Variants in GARNL3 observed in about 807,000 individuals in gnomAD.
GARNL3 encodes GTPase activating Rap/RanGAP domain like 3.
Under a neutral mutation model 125.0 loss-of-function variants are expected in GARNL3, and 63 were observed. The ratio of observed to expected loss-of-function variants is 0.50; its 90% CI spans 0.41 to 0.62. The LOEUF (loss-of-function observed/expected upper bound fraction) is 0.62, where lower values mean the gene tolerates loss of function less well. Among genes scored for constraint, GARNL3 ranks in the 20% least tolerant of loss-of-function variants. The pLI, the probability that GARNL3 is intolerant of heterozygous loss-of-function variation, is 0.00. For missense variants in GARNL3, 994 were observed against 1,244.0 expected, an observed-to-expected ratio of 0.80 and a Z score of 3.02; for synonymous variants, 439 against 457.5, an observed-to-expected ratio of 0.96 and a Z score of 0.52.
At chr9:127,338,889 G>A (rs570728706) in intron 12 of GARNL3, among the ~76,000 whole-genome samples, 2 of 152,206 alleles carry the variant, frequency 1.3e-5, no homozygotes, top group Non-Finnish European at 2.9e-5. Flanking sequence ...CTGGCATGGA[G>A]CAAATATTCC....
At chr9:127,231,040 A>ATTTTTTTTT (rs1376359454) in intron 1 of GARNL3, among the ~76,000 whole-genome samples, 1 of 46,362 alleles carries the variant, frequency 2.2e-5, no homozygotes, top group Non-Finnish European at 3.8e-5. Context: ...ATATACATAT[A>ATTTTTTTTT]TATATATATA....
intron 7 of GARNL3, among the ~76,000 whole-genome samples, chr9:127,330,107 C>T (rs1383817495): frequency 2.6e-5 from 4 of 152,232 alleles, no homozygotes; most frequent in Non-Finnish European, 5.9e-5. Context: ...GAATTGAAAA[C>T]TCCTGGGGTG....
intron 27 of GARNL3, among the ~76,000 whole-genome samples, chr9:127,391,602 A>G (rs1378859930): frequency 7.1e-6 from 1 of 139,876 alleles, no homozygotes; most frequent in African/African-American, 2.6e-5. Context: ...TGGGAGGCTA[A>G]GGTAGAAAGA....
rs188208897 is a variant in GARNL3, at chr9:127,392,209, G to C, written c.2871-874G>C. 1.2e-4 allele frequency among the ~76,000 whole-genome samples: 19 copies of C among 152,360 alleles called. No individual in the cohort carries two copies. The highest frequency in any genetic ancestry group is 1.2e-3 in the Admixed American group (18 of 15,302). ...TAACCTGACAAGGCCCCTGCCCTCA[G>C]GGACTTTGCATTCTAGTGTGGGAAA... On this transcript the variant is annotated intron_variant, in intron 27 of 27. Transcript: ENST00000373387. The surrounding 1 kb of genome is among the most constrained non-coding windows in gnomAD (Gnocchi z 5.2).
chr9:127,240,678 G>A (rs1285438572), intron 1 of GARNL3, among the ~76,000 whole-genome samples: 1 of 152,212 alleles, frequency 6.6e-6, no homozygotes. Flanking sequence ...CGAGGTGGGA[G>A]GATCACTTGA....
chr9:127,271,678 T>C (rs2063827880), intron 1 of GARNL3, among the ~76,000 whole-genome samples: 2 of 150,168 alleles, frequency 1.3e-5, no homozygotes, highest in Admixed American at 1.3e-4. Context: ...TTTTTTGGCC[T>C]TTAAACTGGA....
chr9:127,307,039 GA>G (rs1588817817), intron 2 of GARNL3, among the ~76,000 whole-genome samples: 1 of 151,834 alleles, frequency 6.6e-6, no homozygotes, highest in South Asian at 2.1e-4. Flanking sequence ...AAATATCTTT[GA>G]TTTTTTTTTT....
intron 3 of GARNL3, chr9:127,313,232 G>T: frequency 1.8e-6 from 1 of 541,678 alleles, no homozygotes; most frequent in East Asian, 3.1e-5. Flanking sequence ...GCCAGAATTT[G>T]GTCACATGTT....
intron 5 of GARNL3, among the ~76,000 whole-genome samples, chr9:127,320,217 T>C (rs1303156970): frequency 6.6e-6 from 1 of 152,192 alleles, no homozygotes; most frequent in Non-Finnish European, 1.5e-5. Context: ...TAGAAGTTCG[T>C]TATTATTTTT....
intron 1 of GARNL3, among the ~76,000 whole-genome samples, chr9:127,241,623 C>G (rs2063206180): frequency 6.6e-6 from 1 of 152,068 alleles, no homozygotes; most frequent in African/African-American, 2.4e-5. Context: ...GCCAGGTCAT[C>G]ATTTATAAGA....
At chr9:127,382,339 T>C (rs1308883813) in intron 22 of GARNL3, among the ~76,000 whole-genome samples, 2 of 152,046 alleles carry the variant, frequency 1.3e-5, no homozygotes, top group African/African-American at 2.4e-5. Flanking sequence ...CCATCTTTCA[T>C]TGAGAAAGAA....
intron 17 of GARNL3, among the ~76,000 whole-genome samples, chr9:127,350,233 C>T (rs1289171315): frequency 6.6e-6 from 1 of 152,056 alleles, no homozygotes; most frequent in African/African-American, 2.4e-5. Context: ...AAACTGTGAT[C>T]TGAAAGAAAA....
chr9:127,351,915 C>T (rs186000306), intron 17 of GARNL3, among the ~76,000 whole-genome samples: 3 of 152,350 alleles, frequency 2.0e-5, no homozygotes, highest in Admixed American at 2.0e-4. Flanking sequence ...GTCACTCTGT[C>T]AGGTCCTTGC....
At chr9:127,269,351 C>T (rs1300899860) in intron 1 of GARNL3, among the ~76,000 whole-genome samples, 1 of 152,186 alleles carries the variant, frequency 6.6e-6, no homozygotes, top group Non-Finnish European at 1.5e-5. Flanking sequence ...TACATTTTAG[C>T]TATTAAAATT....
intron 10 of GARNL3, among the ~76,000 whole-genome samples, chr9:127,335,595 TTGTA>T (rs972205841): frequency 3.3e-5 from 5 of 152,160 alleles, no homozygotes; most frequent in African/African-American, 9.7e-5. Context: ...GTATAGGTAT[TTGTA>T]TGTGTGTGAG....
chr9:127,303,762 A>G (rs1375526389), intron 2 of GARNL3, among the ~76,000 whole-genome samples: 1 of 152,238 alleles, frequency 6.6e-6, no homozygotes, highest in Non-Finnish European at 1.5e-5. Flanking sequence ...CAAATATTTG[A>G]GAACATTCAA....
intron 1 of GARNL3, among the ~76,000 whole-genome samples, chr9:127,271,057 A>G (rs2063811853): frequency 6.7e-6 from 1 of 150,224 alleles, no homozygotes; most frequent in South Asian, 2.1e-4. Flanking sequence ...ATGCTTGTGG[A>G]CAGGGCAGAT....
intron 15 of GARNL3, among the ~76,000 whole-genome samples, chr9:127,344,672 T>G (rs758359146): frequency 6.6e-6 from 1 of 152,278 alleles, no homozygotes; most frequent in South Asian, 2.1e-4. Context: ...AGGAGCCGAT[T>G]TGGGAAATGC....
chr9:127,319,172 G>GGACT (rs1415610266), intron 5 of GARNL3, among the ~76,000 whole-genome samples: 1 of 152,048 alleles, frequency 6.6e-6, no homozygotes, highest in Admixed American at 6.6e-5. Flanking sequence ...TATCTGTTGG[G>GGACT]GACTGCATCT....
Sources: allele counts gnomAD v4.1 joint callset (sites outside exome capture counted in the v4.1 genomes callset), GRCh38; gene constraint gnomAD v4.1.1; non-coding constraint Gnocchi (gnomAD v3.1); transcripts MANE v1.5; gene names NCBI Gene and HGNC (gene_info 2026-07-23, HGNC 2026-07-21).